Variants in THSD7B observed in about 807,000 individuals in gnomAD.
THSD7B encodes the protein thrombospondin type-1 domain-containing protein 7B.
Under a neutral mutation model 213.6 loss-of-function variants are expected in THSD7B, and 138 were observed. The ratio of observed to expected loss-of-function variants is 0.65; its 90% CI spans 0.56 to 0.74. The LOEUF (loss-of-function observed/expected upper bound fraction) is 0.74, where lower values mean the gene tolerates loss of function less well. Ranked by LOEUF, THSD7B falls within the 30% of genes least tolerant of loss-of-function variation. The pLI, the probability that THSD7B is intolerant of heterozygous loss-of-function variation, is 0.00. For missense variants in THSD7B, 1,931 were observed against 1,991.5 expected (o/e 0.97, Z 0.58); for synonymous variants, 742 against 687.0 (o/e 1.08, Z -1.25).
At chr2:137,292,387 A>T (rs1438679854) in intron 12 of THSD7B, among the ~76,000 whole-genome samples, 1 of 152,144 alleles carries the variant, frequency 6.6e-6, no homozygotes, top group Non-Finnish European at 1.5e-5. Flanking sequence ...ACAGTTGCAA[A>T]ACTGCAAACT....
chr2:137,260,118 C>G (rs1430447002), intron 10 of THSD7B, among the ~76,000 whole-genome samples: 1 of 151,972 alleles, frequency 6.6e-6, no homozygotes, highest in East Asian at 1.9e-4. Context: ...AAAAACATTT[C>G]AAAGAGAATT....
At position 137,225,572 on chromosome 2, in the gene THSD7B, G is replaced by GT. The variant is rs553170266; in HGVS notation, c.1724-5466dup. Among the ~76,000 whole-genome samples, 14 of 152,168 alleles carry GT rather than the reference G, an allele frequency of 9.2e-5. No individual in the cohort carries two copies. The East Asian group carries it at 2.7e-3, about 29-fold the overall frequency. ...TGTGTAAGGAAAAAACTTTGAGAAAGTTTTTTAACTTCTTCATGCCTCAGG... is the reference window on the plus strand; with the variant it reads ...TGTGTAAGGAAAAAACTTTGAGAAAGTTTTTTTAACTTCTTCATGCCTCAGG... On this transcript the variant is annotated intron_variant, in intron 7 of 27. Coordinates refer to ENST00000409968, the MANE Select transcript of THSD7B (RefSeq NM_001316349.2).
At chr2:137,509,714 A>T (rs1679920902) in intron 15 of THSD7B, among the ~76,000 whole-genome samples, 1 of 152,290 alleles carries the variant, frequency 6.6e-6, no homozygotes, top group South Asian at 2.1e-4. Context: ...GGCTACTACC[A>T]AAAGTTTTAG....
chr2:137,144,449 A>G (rs1199383844), intron 5 of THSD7B, among the ~76,000 whole-genome samples: 1 of 152,072 alleles, frequency 6.6e-6, no homozygotes, highest in African/African-American at 2.4e-5. Flanking sequence ...AGTATCAGAG[A>G]GGCTCAAGTT....
chr2:136,785,229 T>A (rs1681819318), intron 1 of THSD7B, among the ~76,000 whole-genome samples: 1 of 152,132 alleles, frequency 6.6e-6, no homozygotes, highest in Admixed American at 6.5e-5. Flanking sequence ...CACACTGCCC[T>A]TCACACTGCA....
At chr2:137,606,097 G>A (rs771711484) in intron 17 of THSD7B, among the ~76,000 whole-genome samples, 4 of 152,124 alleles carry the variant, frequency 2.6e-5, no homozygotes, top group Non-Finnish European at 1.5e-5. Context: ...CACGACACCC[G>A]GATATTGGCA....
At chr2:136,785,254 G>A (rs959603767) in intron 1 of THSD7B, among the ~76,000 whole-genome samples, 30 of 152,120 alleles carry the variant, frequency 2.0e-4, no homozygotes, top group African/African-American at 7.2e-4. Flanking sequence ...CTAGCACTGG[G>A]AGATCCATCA....
chr2:137,268,924 G>T (rs1056115873), intron 10 of THSD7B, among the ~76,000 whole-genome samples: 7 of 152,146 alleles, frequency 4.6e-5, no homozygotes, highest in African/African-American at 1.7e-4. Flanking sequence ...TGTGTGCAAA[G>T]GAGTCTGCTA....
At chr2:137,440,294 A>G (rs116583302) in intron 14 of THSD7B, among the ~76,000 whole-genome samples, 495 of 152,194 alleles carry the variant, frequency 3.3e-3, no homozygotes, top group Non-Finnish European at 5.9e-3. Context: ...TGTCTGCTCC[A>G]ACACTGGCTG....
chr2:137,199,326 G>A (rs1680831549), intron 7 of THSD7B, among the ~76,000 whole-genome samples: 1 of 152,050 alleles, frequency 6.6e-6, no homozygotes, highest in South Asian at 2.1e-4. Context: ...TATGCCCACT[G>A]TAAATACTTT....
chr2:137,228,886 A>T (rs984383427), intron 7 of THSD7B, among the ~76,000 whole-genome samples: 29 of 152,308 alleles, frequency 1.9e-4, no homozygotes, highest in African/African-American at 6.5e-4. Context: ...TGCCTTGGAC[A>T]TAGTATTTAC....
chr2:137,449,273 G>A (rs1210004455), intron 14 of THSD7B, among the ~76,000 whole-genome samples: 3 of 152,174 alleles, frequency 2.0e-5, no homozygotes, highest in Non-Finnish European at 4.4e-5. Flanking sequence ...ATAAGGATTT[G>A]TGACACATTT....
At chr2:137,419,373 TTCTTGTCCCACATCAA>T in intron 14 of THSD7B, among the ~76,000 whole-genome samples, 2 of 79,486 alleles carry the variant, frequency 2.5e-5, no homozygotes, top group Non-Finnish European at 7.0e-5. Flanking sequence ...GGGTCCTGAG[TTCTTGTCCCACATCAA>T]AGAAGAATGA....
intron 5 of THSD7B, among the ~76,000 whole-genome samples, chr2:137,115,943 A>G (rs1688441196): frequency 6.6e-6 from 1 of 152,168 alleles, no homozygotes; most frequent in East Asian, 1.9e-4. Context: ...CTTCCACTCT[A>G]GAAGAATTTG....
At chr2:136,959,950 C>A (rs1399313207) in intron 2 of THSD7B, among the ~76,000 whole-genome samples, 2 of 152,170 alleles carry the variant, frequency 1.3e-5, no homozygotes, top group Non-Finnish European at 2.9e-5. Context: ...GAATCAGAAT[C>A]CGCACCTGGA....
At chr2:137,583,122 G>T (rs1388414620) in intron 17 of THSD7B, among the ~76,000 whole-genome samples, 1 of 152,136 alleles carries the variant, frequency 6.6e-6, no homozygotes, top group African/African-American at 2.4e-5. Context: ...GTGTCTGTTG[G>T]CTGCATAAAA....
At chr2:136,955,969 C>G (rs1685116873) in intron 2 of THSD7B, among the ~76,000 whole-genome samples, 4 of 147,936 alleles carry the variant, frequency 2.7e-5, no homozygotes, top group Admixed American at 2.1e-4. Flanking sequence ...GCAGAGCTTG[C>G]AGTGAGCCGA....
At chr2:137,583,685 T>C (rs1020810001) in intron 17 of THSD7B, among the ~76,000 whole-genome samples, 3 of 152,228 alleles carry the variant, frequency 2.0e-5, no homozygotes, top group African/African-American at 7.2e-5. Context: ...TCTGTTCTGT[T>C]CCATTGGTCT....
intron 2 of THSD7B, among the ~76,000 whole-genome samples, chr2:136,898,211 T>A (rs1454378258): frequency 1.3e-5 from 2 of 152,222 alleles, no homozygotes; most frequent in East Asian, 3.8e-4. Context: ...TCTCTTTAAT[T>A]TCCTTCAGTG....
Sources: gnomAD v4.1 joint callset for allele counts (sites outside exome capture counted in the v4.1 genomes callset) on GRCh38, gnomAD v4.1.1 for gene constraint, MANE v1.5 for transcripts, NCBI Gene and HGNC (gene_info 2026-07-23, HGNC 2026-07-21) for gene names.